Variants in SH3RF2 observed in about 807,000 individuals in gnomAD.
SH3RF2 encodes the protein E3 ubiquitin-protein ligase SH3RF2.
SH3RF2 carries 43 observed loss-of-function variants against 59.0 expected under a neutral mutation model. The observed-to-expected ratio is 0.73, with a 90% CI of 0.57 to 0.94. The LOEUF is 0.94. Among genes scored for constraint, SH3RF2 ranks in the 40% least tolerant of loss-of-function variants. The probability of loss-of-function intolerance (pLI) is 0.00; values close to 1 mark genes in which losing one functional copy is unlikely to be tolerated. For synonymous variants in SH3RF2, 391 were observed against 391.5 expected, an observed-to-expected ratio of 1.00 and a Z score of 0.01; for missense variants, 930 against 940.1, an observed-to-expected ratio of 0.99 and a Z score of 0.14.
At chr5:146,074,301 G>T (rs1379474810) in intron 9 of SH3RF2, among the ~76,000 whole-genome samples, 1 of 152,048 alleles carries the variant, frequency 6.6e-6, no homozygotes, top group East Asian at 1.9e-4. Flanking sequence ...TTTGTTGAAT[G>T]AACAATTGGA....
chr5:146,038,458 A>G (rs1762017800), intron 5 of SH3RF2, among the ~76,000 whole-genome samples: 1 of 152,236 alleles, frequency 6.6e-6, no homozygotes, highest in Non-Finnish European at 1.5e-5. Context: ...ATGTAATGGG[A>G]ATAAACATGA....
chr5:146,033,524 G>A (rs1481222654), intron 5 of SH3RF2, among the ~76,000 whole-genome samples: 1 of 133,272 alleles, frequency 7.5e-6, no homozygotes, highest in Non-Finnish European at 1.5e-5. Flanking sequence ...AGGCTGGAGT[G>A]CAAAGGCCCG....
intron 2 of SH3RF2, among the ~76,000 whole-genome samples, chr5:145,971,590 A>G (rs1334690057): frequency 6.6e-6 from 1 of 152,238 alleles, no homozygotes; most frequent in African/African-American, 2.4e-5. Flanking sequence ...GCTGCTTTCT[A>G]GGATGGGAAA....
Position 146,062,603 on chromosome 5 carries a change from G to A in SH3RF2, c.2092G>A (p.Gly698Arg), listed in dbSNP as rs199894169. ...LFAHRSGCHS[G>R]QQTDLRRKSA... ...TGCCCACCGAAGTGGCTGCCACTCC[G>A]GACAGCAGACAGACCTCCGGAGAAA... The change falls in exon 10 of 10, where the codon GGA becomes AGA. Residue 698 changes from glycine to arginine, a missense_variant. Gly to Arg is a moderately radical substitution (Grantham distance 125). Transcript: ENST00000359120. 25 of 1,614,024 alleles carry A rather than the reference G, an allele frequency of 1.5e-5. No individual in the cohort carries two copies. The highest frequency in any genetic ancestry group is 7.7e-5 in the South Asian group (7 of 91,086).
intron 6 of SH3RF2, 26 bp from the exon 7 acceptor site, chr5:146,049,049 C>A (rs1561762587): frequency 6.2e-7 from 1 of 1,613,780 alleles, no homozygotes; most frequent in Non-Finnish European, 8.5e-7. Context: ...TCCTTCCTCC[C>A]TCACCAGTTC....
intron 5 of SH3RF2, 79 bp downstream of exon 5, chr5:146,014,140 G>A (rs1309481903): frequency 1.3e-6 from 2 of 1,492,712 alleles, no homozygotes; most frequent in Non-Finnish European, 1.8e-6. Flanking sequence ...AATATTTGAT[G>A]TTTAGTACTT....
chr5:145,988,269 T>C (rs1031669271), intron 2 of SH3RF2, among the ~76,000 whole-genome samples: 2 of 151,544 alleles, frequency 1.3e-5, no homozygotes, highest in Admixed American at 1.3e-4. Flanking sequence ...CTTCTACCGT[T>C]TGGCCCAGAG....
chr5:146,049,175 C>A lies in SH3RF2; in HGVS notation c.1252C>A (p.Leu418Ile). The A allele has an allele frequency of 7.4e-6, 12 of 1,614,112 alleles. No individual in the cohort carries two copies. The highest frequency in any genetic ancestry group is 9.3e-6 in the Non-Finnish European group (11 of 1,180,030). ...RVLGKCQDGW[L>I]RGVSLVTGRV... is the part of the protein sequence containing the mutation. ...CCTGGGGAAGTGCCAGGACGGCTGGCTCAGGGGCGTCTCCTTGGTCACCGG... is the reference window on the plus strand; with the variant it reads ...CCTGGGGAAGTGCCAGGACGGCTGGATCAGGGGCGTCTCCTTGGTCACCGG... Residue 418 changes from leucine to isoleucine, a missense_variant, in exon 7 of 10, where the codon CTC (leucine) becomes ATC (isoleucine). Physicochemically the swap from Leu to Ile is conservative, Grantham distance 5 (BLOSUM62 2). Coordinates refer to ENST00000359120, the MANE Select transcript of SH3RF2 (RefSeq NM_152550.4).
At chr5:146,045,511 T>C (rs894660930) in intron 5 of SH3RF2, among the ~76,000 whole-genome samples, 3 of 152,236 alleles carry the variant, frequency 2.0e-5, no homozygotes, top group African/African-American at 7.2e-5. Flanking sequence ...CCTTGGAAAT[T>C]ATCATCTATT....
chr5:146,064,776 A>AAAGAAAGGAAGGAAAGG (rs1763040292), downstream of SH3RF2, among the ~76,000 whole-genome samples: 10 of 24,816 alleles, frequency 4.0e-4, no homozygotes, highest in Admixed American at 2.1e-3. Context: ...GGAAGGAAGG[A>AAAGAAAGGAAGGAAAGG]AAGGAAGGAA....
intron 7 of SH3RF2, among the ~76,000 whole-genome samples, chr5:146,053,416 G>GTCTT (rs890006143): frequency 4.1e-5 from 6 of 147,666 alleles, no homozygotes; most frequent in African/African-American, 1.3e-4. Context: ...ATTGTGTGTA[G>GTCTT]TCTTGGTGGG....
rs140705559 is a variant in SH3RF2 at position 145,938,350 on chromosome 5, T to C, written c.378+44T>C. ...GCTAATATCATGTCCACATAGAGGT[T>C]GGATTTGTGTATACAAGGAGCTAGA... On this transcript the variant is annotated intron_variant, in intron 2 of 9. Coordinates refer to ENST00000359120, the MANE Select transcript of SH3RF2 (RefSeq NM_152550.4). 4.1e-5 allele frequency: 61 copies of C among 1,497,690 alleles called. No individual in the cohort carries two copies. In the African/African-American group the frequency reaches 7.9e-4, roughly 20 times the overall value. The allele number at this position is 1,497,690 out of a possible 1,614,324, so 92.8% of individuals were successfully genotyped here.
intron 7 of SH3RF2, among the ~76,000 whole-genome samples, chr5:146,052,690 C>T (rs1762540865): frequency 6.6e-6 from 1 of 152,142 alleles, no homozygotes; most frequent in South Asian, 2.1e-4. Context: ...CCACTAATCT[C>T]CCACATGAAT....
At chr5:145,984,178 T>A (rs1474365844) in intron 2 of SH3RF2, among the ~76,000 whole-genome samples, 7 of 152,178 alleles carry the variant, frequency 4.6e-5, no homozygotes, top group Non-Finnish European at 7.3e-5. Context: ...CACTCAGTAC[T>A]TTTTTGTTGA....
chr5:146,058,547 C>T (rs551586823), intron 8 of SH3RF2, among the ~76,000 whole-genome samples: 30 of 152,212 alleles, frequency 2.0e-4, no homozygotes, highest in South Asian at 6.2e-4. Flanking sequence ...TAAGAAGTCA[C>T]GATGCAGACG....
intron 2 of SH3RF2, among the ~76,000 whole-genome samples, chr5:145,964,808 AT>A (rs1450626135): frequency 1.3e-5 from 2 of 152,026 alleles, no homozygotes; most frequent in Non-Finnish European, 2.9e-5. Context: ...GCAGAAAATC[AT>A]TTTCTCATAT....
chr5:145,972,708 T>C (rs756619014), intron 2 of SH3RF2, among the ~76,000 whole-genome samples: 1 of 152,218 alleles, frequency 6.6e-6, no homozygotes, highest in Non-Finnish European at 1.5e-5. Context: ...CTTTATGCCT[T>C]TCCAGGAGAT....
At chr5:145,967,669 T>C (rs1758909007) in intron 2 of SH3RF2, among the ~76,000 whole-genome samples, 1 of 152,202 alleles carries the variant, frequency 6.6e-6, no homozygotes, top group African/African-American at 2.4e-5. Flanking sequence ...TTTCTTTCTT[T>C]TTTTTCTGAG....
At chr5:146,058,460 C>G (rs1006069756) in intron 8 of SH3RF2, among the ~76,000 whole-genome samples, 28 of 150,562 alleles carry the variant, frequency 1.9e-4, no homozygotes, top group African/African-American at 6.4e-4. Context: ...TAGATGGTGA[C>G]TGTCTTGCTT....
Sources: gnomAD v4.1 joint callset for allele counts (sites outside exome capture counted in the v4.1 genomes callset) on GRCh38, gnomAD v4.1.1 for gene constraint, MANE v1.5 for transcripts, NCBI Gene and HGNC (gene_info 2026-07-23, HGNC 2026-07-21) for gene names.